FOXN3: variants seen among roughly 807,000 people sequenced by gnomAD.
FOXN3 encodes the protein forkhead box N3.
FOXN3 carries 7 observed loss-of-function variants against 38.4 expected under a neutral mutation model. The observed-to-expected ratio is 0.18, with a 90% CI of 0.10 to 0.34. The LOEUF is 0.34. FOXN3 is among the 10% of genes least tolerant of loss of function. FOXN3 has a pLI of 1.00. For synonymous variants in FOXN3, 230 were observed against 242.2 expected, an observed-to-expected ratio of 0.95 and a Z score of 0.47; for missense variants, 456 against 613.4, an observed-to-expected ratio of 0.74 and a Z score of 2.71.
At chr14:89,266,755 T>C (rs1596141905) in intron 4 of FOXN3, among the ~76,000 whole-genome samples, 1 of 152,306 alleles carries the variant, frequency 6.6e-6, no homozygotes, top group South Asian at 2.1e-4. Flanking sequence ...CTGCTGCTTA[T>C]ACGAGAGGCT....
intron 1 of FOXN3, among the ~76,000 whole-genome samples, chr14:89,415,176 C>T (rs1333770353): frequency 6.6e-6 from 1 of 152,188 alleles, no homozygotes; most frequent in African/African-American, 2.4e-5. Flanking sequence ...ACTACCCAGC[C>T]ACTGAAGTCA....
chr14:89,383,029 G>GTT (rs57032907), intron 2 of FOXN3, among the ~76,000 whole-genome samples: 6,216 of 92,420 alleles, frequency 0.067, 64 homozygotes, highest in Admixed American at 0.091. Context: ...TTTGGGTGGT[G>GTT]TTTTTTTTTT....
chr14:89,241,682 G>A (rs1885144117), intron 4 of FOXN3, among the ~76,000 whole-genome samples: 1 of 152,156 alleles, frequency 6.6e-6, no homozygotes, highest in African/African-American at 2.4e-5. Flanking sequence ...ATTATAAATA[G>A]TTTTTTGGGA....
At position 89,355,472 on chromosome 14, in the gene FOXN3, G is replaced by A. The variant is rs982594015; in HGVS notation, c.544-4664C>T. Among the ~76,000 whole-genome samples the A allele has an allele frequency of 3.3e-5, 5 of 152,040 alleles. No individual in the cohort carries two copies. The South Asian group carries it at 8.3e-4, about 25-fold the overall frequency. On this transcript the variant is annotated intron_variant, in intron 2 of 5. Transcript: ENST00000557258. ...GGCTGGTCTCGAACTCCTGACCTCAGGTGATCCGTCTGCCTTGGCCTCCCA... is the reference window on the plus strand; with the variant it reads ...GGCTGGTCTCGAACTCCTGACCTCAAGTGATCCGTCTGCCTTGGCCTCCCA...
chr14:89,514,019 G>A (rs1378424083), intron 1 of FOXN3, among the ~76,000 whole-genome samples: 3 of 152,082 alleles, frequency 2.0e-5, no homozygotes, highest in African/African-American at 4.8e-5. Flanking sequence ...AAGAGACATC[G>A]CTGTCTTTGT....
chr14:89,483,682 A>G (rs1473953298), intron 1 of FOXN3, among the ~76,000 whole-genome samples: 1 of 152,222 alleles, frequency 6.6e-6, no homozygotes, highest in Non-Finnish European at 1.5e-5. Flanking sequence ...TGCTGGGATT[A>G]CAGGCGTGAG....
Position 89,295,097 on chromosome 14 carries a change from C to A in FOXN3, c.681-14083G>T, listed in dbSNP as rs182179521. 5.6e-4 allele frequency among the ~76,000 whole-genome samples: 85 copies of A among 152,268 alleles called. 1 individual carries two copies. The highest frequency in any genetic ancestry group is 1.9e-3 in the African/African-American group (81 of 41,542). On this transcript the variant is annotated intron_variant, in intron 3 of 5. Transcript: ENST00000557258. ...TTCCTGCTTTCAATATGCCGCCTGG[C>A]ACAGGTCTCCAGAACACCTGCACCC...
intron 3 of FOXN3, among the ~76,000 whole-genome samples, chr14:89,332,413 G>A (rs764352883): frequency 2.0e-5 from 3 of 151,820 alleles, no homozygotes; most frequent in Non-Finnish European, 2.9e-5. Context: ...CCCCATCCCC[G>A]GTCTCCATGG....
intron 1 of FOXN3, among the ~76,000 whole-genome samples, chr14:89,467,957 C>T (rs1249852003): frequency 1.3e-5 from 2 of 151,508 alleles, no homozygotes; most frequent in South Asian, 2.1e-4. Context: ...GCATTTTCCT[C>T]CTGCCCTGAG....
chr14:89,373,571 A>G (rs1480648346), intron 2 of FOXN3, among the ~76,000 whole-genome samples: 2 of 152,156 alleles, frequency 1.3e-5, no homozygotes, highest in African/African-American at 4.8e-5. Flanking sequence ...TTTTACATTT[A>G]TTTGTGAGGT....
intron 2 of FOXN3, among the ~76,000 whole-genome samples, chr14:89,372,588 A>G (rs1208076735): frequency 6.6e-6 from 1 of 152,212 alleles, no homozygotes; most frequent in African/African-American, 2.4e-5. Flanking sequence ...CAAACTTTCC[A>G]AGAGTTTAAG....
chr14:89,451,654 G>A (rs1892614778), intron 1 of FOXN3, among the ~76,000 whole-genome samples: 2 of 152,200 alleles, frequency 1.3e-5, no homozygotes, highest in Admixed American at 6.5e-5. Context: ...GAGGGTGACA[G>A]CCCCGCAAGT....
At chr14:89,393,239 C>G (rs1891006091) in intron 2 of FOXN3, among the ~76,000 whole-genome samples, 2 of 152,326 alleles carry the variant, frequency 1.3e-5, no homozygotes, top group Middle Eastern at 6.8e-3. Flanking sequence ...CCCCACCTGG[C>G]CTCCTCTCTT....
At chr14:89,582,308 C>T (rs1895756906) in intron 1 of FOXN3, among the ~76,000 whole-genome samples, 1 of 152,180 alleles carries the variant, frequency 6.6e-6, no homozygotes, top group Non-Finnish European at 1.5e-5. Context: ...TCACTTACTT[C>T]CCAGTCCCTT....
At chr14:89,506,692 A>G (rs535546172) in intron 1 of FOXN3, among the ~76,000 whole-genome samples, 2 of 152,358 alleles carry the variant, frequency 1.3e-5, no homozygotes, top group African/African-American at 4.8e-5. Flanking sequence ...AAGGCGGGAA[A>G]GGTGGGGAAA....
At chr14:89,471,316 C>T (rs1490721631) in intron 1 of FOXN3, among the ~76,000 whole-genome samples, 2 of 152,170 alleles carry the variant, frequency 1.3e-5, no homozygotes, top group African/African-American at 2.4e-5. Flanking sequence ...AAAGAATTCT[C>T]CTGGGCCGGC....
At chr14:89,588,491 CGATAGCACCAA>C (rs1378935478) in intron 1 of FOXN3, among the ~76,000 whole-genome samples, 2 of 152,066 alleles carry the variant, frequency 1.3e-5, no homozygotes, top group African/African-American at 4.8e-5. Flanking sequence ...CAACACCGCC[CGATAGCACCAA>C]GATAAAGGAC....
intron 1 of FOXN3, among the ~76,000 whole-genome samples, chr14:89,539,679 G>A (rs79309524): frequency 0.013 from 1,985 of 152,276 alleles, 46 homozygotes; most frequent in African/African-American, 0.045. Flanking sequence ...CTTAGGGTAA[G>A]TAGGTGTATT....
chr14:89,540,531 A>G (rs913010937), intron 1 of FOXN3, among the ~76,000 whole-genome samples: 67 of 152,148 alleles, frequency 4.4e-4, no homozygotes, highest in Non-Finnish European at 8.5e-4. Flanking sequence ...TCAGGAGTTC[A>G]AGACCACCCT....
Sources: allele counts gnomAD v4.1 joint callset (sites outside exome capture counted in the v4.1 genomes callset), GRCh38; gene constraint gnomAD v4.1.1; transcripts MANE v1.5; gene names NCBI Gene and HGNC (gene_info 2026-07-23, HGNC 2026-07-21).